The following ATF7 variants were observed in gnomAD, a reference collection of about 807,000 sequenced individuals.
ATF7 encodes cyclic AMP-dependent transcription factor ATF-7.
In ATF7, 10 loss-of-function variants were observed where a neutral mutation model predicts 50.4. That is an observed-to-expected ratio of 0.20 (90% CI 0.12 to 0.34). ATF7 has a LOEUF of 0.34. ATF7 is among the 10% of genes least tolerant of loss of function. ATF7 has a pLI of 1.00. For synonymous variants in ATF7, 201 were observed against 226.4 expected, an observed-to-expected ratio of 0.89 and a Z score of 1.01; for missense variants, 465 against 613.9, an observed-to-expected ratio of 0.76 and a Z score of 2.56.
chr12:53,619,570 T>C (rs11170613), intron 1 of ATF7, among the ~76,000 whole-genome samples: 1 of 151,500 alleles, frequency 6.6e-6, no homozygotes, highest in African/African-American at 2.4e-5. Context: ...TCCAGCACTT[T>C]GGGAGGCCAA....
At chr12:53,558,007 T>C (rs1161476602) in intron 2 of ATF7, among the ~76,000 whole-genome samples, 1 of 152,236 alleles carries the variant, frequency 6.6e-6, no homozygotes, top group Non-Finnish European at 1.5e-5. Context: ...AACTTACCTA[T>C]GTGGCTCACG....
At chr12:53,609,308 C>T (rs1943745037) in intron 1 of ATF7, among the ~76,000 whole-genome samples, 1 of 151,962 alleles carries the variant, frequency 6.6e-6, no homozygotes, top group Non-Finnish European at 1.5e-5. Flanking sequence ...GCATGCGCCA[C>T]CACATGCAGC....
chr12:53,587,403 G>A (rs566682992), intron 2 of ATF7, among the ~76,000 whole-genome samples: 12 of 112,346 alleles, frequency 1.1e-4, no homozygotes, highest in African/African-American at 2.4e-4. Flanking sequence ...CGTGACGCAC[G>A]CCTGTAATCC....
At chr12:53,595,228 A>G (rs1010164194) in intron 2 of ATF7, among the ~76,000 whole-genome samples, 1 of 152,206 alleles carries the variant, frequency 6.6e-6, no homozygotes, top group Non-Finnish European at 1.5e-5. Flanking sequence ...AATTGCCTTC[A>G]CCTGTCGAAA....
chr12:53,622,940 T>C (rs1024236558), intron 1 of ATF7, among the ~76,000 whole-genome samples: 1 of 152,208 alleles, frequency 6.6e-6, no homozygotes, highest in Non-Finnish European at 1.5e-5. Flanking sequence ...AACTTTAGCC[T>C]AGGAGTTCGA....
chr12:53,532,616 C>A lies in ATF7; in HGVS notation c.668G>T (p.Arg223Ile). 1 of 1,594,842 alleles carries A rather than the reference C, an allele frequency of 6.3e-7. No homozygotes were observed. Reference sequence around the variant, plus strand: ...AATGTTGGGCACCATGGACACAGGTCTGGCCAGCTGGATCGAGAGAAGGAA... The same window carrying A: ...AATGTTGGGCACCATGGACACAGGTATGGCCAGCTGGATCGAGAGAAGGAA... The part of the protein sequence containing the change: ...VQMPSVISLA[R>I]PVSMVPNIPG... The change falls in exon 8 of 12, where the codon AGA becomes ATA. Residue 223 changes from arginine (R) to isoleucine (I), a missense_variant. By Grantham distance (97) the Arg-to-Ile change is moderately conservative. Coordinates refer to ENST00000420353, the MANE Select transcript of ATF7 (RefSeq NM_006856.3).
chr12:53,535,461 G>T (rs922852856), intron 5 of ATF7, among the ~76,000 whole-genome samples: 2 of 152,050 alleles, frequency 1.3e-5, no homozygotes, highest in Non-Finnish European at 2.9e-5. Flanking sequence ...CATAGTGGAT[G>T]TTAAAATTAA....
In ATF7 at chr12:53,517,261, C is replaced by T. The variant is rs560379424; in HGVS notation, c.1328G>A (p.Arg443His). The change falls in exon 12 of 12, where the codon CGC becomes CAC. Residue 443 changes from arginine (R) to histidine (H), a missense_variant. By Grantham distance (29) the Arg-to-His change is conservative. Coordinates refer to ENST00000420353, the MANE Select transcript of ATF7 (RefSeq NM_006856.3). ...GGTGGCCACAGCTTCAGCTGCAGAGCGAACACTGAGGCCATTGCTAGGGGC... is the reference window on the plus strand; with the variant it reads ...GGTGGCCACAGCTTCAGCTGCAGAGTGAACACTGAGGCCATTGCTAGGGGC... ...ATAPSNGLSV[R>H]SAAEAVATSV... The T allele has an allele frequency of 1.8e-5, 29 of 1,614,046 alleles. No individual in the cohort carries two copies. The highest frequency in any genetic ancestry group is 2.4e-5 in the Non-Finnish European group (28 of 1,179,906).
chr12:53,516,196 G>C lies in ATF7; in HGVS notation c.*941C>G, dbSNP rs1219157274. ...AAAGGAATCGATTAATCCCTAACTT[G>C]ATGGAACAAGCTTTGAAATACTTTG... On this transcript the variant is annotated 3_prime_UTR_variant, in exon 12 of 12. Coordinates refer to ENST00000420353, the MANE Select transcript of ATF7 (RefSeq NM_006856.3). 1 of 152,210 alleles carries C rather than the reference G, an allele frequency of 6.6e-6. No homozygotes were observed. Among genetic ancestry groups the C allele is most frequent in the Non-Finnish European group, 1.5e-5 (1 of 68,036 alleles). 9.4% of individuals were successfully genotyped at this position (152,210 alleles called of 1,614,324 possible).
chr12:53,621,456 A>G (rs1375254086), intron 1 of ATF7, among the ~76,000 whole-genome samples: 2 of 152,072 alleles, frequency 1.3e-5, no homozygotes, highest in African/African-American at 2.4e-5. Flanking sequence ...TAACAAAATG[A>G]TAATTACAGG....
chr12:53,601,049 T>C, intron 1 of ATF7, 28 bp from the exon 2 acceptor site: 1 of 1,535,184 alleles, frequency 6.5e-7, no homozygotes, highest in East Asian at 2.3e-5. Context: ...AGGGAAAAAG[T>C]TATGTTAAAT....
rs181000636 is a variant in ATF7, at chr12:53,524,789, C to T, written c.928-28G>A. 6.5e-4 allele frequency: 1,004 copies of T among 1,541,040 alleles called. No homozygotes were observed. The highest frequency in any genetic ancestry group is 8.0e-4 in the Non-Finnish European group (917 of 1,141,138). ...GGTGCCCAGGAAGGAAGAGAGGTTA[C>T]TTGATGGGAACATTAATCCTTTCCA... On this transcript the variant is annotated intron_variant, in intron 9 of 11. Coordinates refer to ENST00000420353, the MANE Select transcript of ATF7 (RefSeq NM_006856.3). This position sits in a 1 kb window ranked among gnomAD's most constrained non-coding sequence, Gnocchi z 4.6.
chr12:53,509,250 A>G (rs1212075165), downstream of ATF7, among the ~76,000 whole-genome samples: 1 of 152,186 alleles, frequency 6.6e-6, no homozygotes, highest in African/African-American at 2.4e-5. Context: ...TCCATTCAAT[A>G]AAACAGCTTG....
chr12:53,599,228 C>T (rs1943285970), intron 2 of ATF7, among the ~76,000 whole-genome samples: 1 of 150,962 alleles, frequency 6.6e-6, no homozygotes, highest in South Asian at 2.1e-4. Context: ...TTTGTAAAGA[C>T]AGGGTCTCAC....
At chr12:53,525,296 T>C (rs938201347) in intron 9 of ATF7, among the ~76,000 whole-genome samples, 1 of 152,148 alleles carries the variant, frequency 6.6e-6, no homozygotes, top group Admixed American at 6.6e-5. Flanking sequence ...GAGGTTGCAG[T>C]GAGCTGAGAT....
At chr12:53,587,843 A>ATATATATATATATATATATATTTTTTT in intron 2 of ATF7, among the ~76,000 whole-genome samples, 1 of 61,568 alleles carries the variant, frequency 1.6e-5, no homozygotes, top group Non-Finnish European at 3.4e-5. Flanking sequence ...ATATATATAT[A>ATATATATATATATATATATATTTTTTT]TTTTTTTTTT....
intron 9 of ATF7, among the ~76,000 whole-genome samples, chr12:53,529,192 A>G (rs1938688722): frequency 6.6e-6 from 1 of 151,972 alleles, no homozygotes; most frequent in South Asian, 2.1e-4. Flanking sequence ...CCTGTCTCTA[A>G]TATTATTTAT....
At chr12:53,609,404 T>C (rs1415184565) in intron 1 of ATF7, among the ~76,000 whole-genome samples, 2 of 150,914 alleles carry the variant, frequency 1.3e-5, no homozygotes, top group African/African-American at 4.9e-5. Flanking sequence ...TCTGCCCGCC[T>C]CAGCCTCCCA....
Position 53,622,529 on chromosome 12 carries a change from G to A in ATF7, c.-22+3750C>T, listed in dbSNP as rs189199268. 4.2e-3 allele frequency among the ~76,000 whole-genome samples: 631 copies of A among 151,842 alleles called. 1 individual carries two copies. Among genetic ancestry groups the A allele is most frequent in the African/African-American group, 0.014 (579 of 41,350 alleles). ...CCAGCTACTCGGGAGGTTGAGGCAG[G>A]AGAATGGCGTGAACCTGGGAGGCGG... On this transcript the variant is annotated intron_variant, in intron 1 of 11. Coordinates refer to ENST00000420353, the MANE Select transcript of ATF7 (RefSeq NM_006856.3).
Sources: gnomAD v4.1 joint callset for allele counts (sites outside exome capture counted in the v4.1 genomes callset) on GRCh38, gnomAD v4.1.1 for gene constraint, Gnocchi (gnomAD v3.1) non-coding constraint, MANE v1.5 for transcripts, NCBI Gene and HGNC (gene_info 2026-07-23, HGNC 2026-07-21) for gene names.